FRAS1: variants seen among roughly 807,000 people sequenced by gnomAD.
FRAS1 encodes Fraser extracellular matrix complex subunit 1.
FRAS1 carries 290 observed loss-of-function variants against 435.2 expected under a neutral mutation model. The observed-to-expected ratio is 0.67, with a 90% CI of 0.61 to 0.73. The LOEUF (loss-of-function observed/expected upper bound fraction) is 0.73, where lower values mean the gene tolerates loss of function less well. FRAS1 is among the 30% of genes least tolerant of loss of function. The pLI is 0.00. For synonymous variants in FRAS1, 1,800 were observed against 1,851.0 expected (o/e 0.97, Z 0.71); for missense variants, 4,860 against 5,001.5 (o/e 0.97, Z 0.85).
intron 2 of FRAS1, among the ~76,000 whole-genome samples, chr4:78,132,139 A>G (rs1161190044): frequency 6.6e-6 from 1 of 152,014 alleles, no homozygotes; most frequent in Non-Finnish European, 1.5e-5. Context: ...TTGGTGTTTT[A>G]TTTTTATTTT....
In FRAS1 at chr4:78,318,980, T is replaced by A; in HGVS notation, c.2131T>A (p.Cys711Ser). The change falls in exon 18 of 74, where the codon TGT (cysteine) becomes AGT (serine). Residue 711 changes from cysteine to serine, a missense_variant. By Grantham distance (112) the Cys-to-Ser change is moderately radical. Transcript: ENST00000512123. ...AHFYLESTGI[C>S]EACHQSCFRC... ...TTTTTACTTGGAGAGCACTGGCATA[T>A]GTGAAGGTAAGCATGATTTGAGAAA... is the stretch of plus-strand genomic sequence containing the variant. The A allele has an allele frequency of 1.2e-6, 2 of 1,613,856 alleles. No homozygotes were observed. The highest frequency in any genetic ancestry group is 1.7e-6 in the Non-Finnish European group (2 of 1,179,794).
chr4:78,086,453 CA>C (rs1263534113), intron 2 of FRAS1, among the ~76,000 whole-genome samples: 1 of 151,916 alleles, frequency 6.6e-6, no homozygotes, highest in Non-Finnish European at 1.5e-5. Context: ...GATAGAGACA[CA>C]AAAAACCGTT....
intron 2 of FRAS1, among the ~76,000 whole-genome samples, chr4:78,143,481 G>A (rs1402381924): frequency 6.6e-6 from 1 of 152,108 alleles, no homozygotes; most frequent in Non-Finnish European, 1.5e-5. Flanking sequence ...TGATCTCATT[G>A]ATGTATAGTT....
intron 2 of FRAS1, among the ~76,000 whole-genome samples, chr4:78,168,254 G>A (rs1401022753): frequency 2.6e-5 from 4 of 152,024 alleles, no homozygotes; most frequent in Admixed American, 2.0e-4. Flanking sequence ...GACACATAGC[G>A]TATGGTTCTT....
intron 19 of FRAS1, 60 bp downstream of exon 19, chr4:78,333,472 G>A (rs1366437372): frequency 2.6e-6 from 4 of 1,514,510 alleles, no homozygotes; most frequent in African/African-American, 2.8e-5. Flanking sequence ...TCAGAGCATA[G>A]CCAGACACTG....
chr4:78,229,500 T>A (rs1724423423), intron 2 of FRAS1, among the ~76,000 whole-genome samples: 1 of 151,910 alleles, frequency 6.6e-6, no homozygotes, highest in Non-Finnish European at 1.5e-5. Context: ...AGGGTGGGAG[T>A]ATGCTGTTGC....
rs922754303 is a variant in FRAS1, at chr4:78,180,961, G to A, written c.109-56549G>A. On this transcript the variant is annotated intron_variant, in intron 2 of 73. Transcript: ENST00000512123. Reference sequence around the variant, plus strand: ...CTGCCACGGTTTGGGCGCCCACCACGCCCATGTCCACCTTGTCCTCCCCTG... The same window carrying A: ...CTGCCACGGTTTGGGCGCCCACCACACCCATGTCCACCTTGTCCTCCCCTG... 7.5e-6 allele frequency: 12 copies of A among 1,610,474 alleles called. No homozygotes were observed. In the East Asian group the frequency reaches 1.6e-4, roughly 21 times the overall value.
At chr4:78,451,946 T>C in intron 46 of FRAS1, 55 bp downstream of exon 46, 3 of 1,533,432 alleles carry the variant, frequency 2.0e-6, no homozygotes, top group East Asian at 2.4e-5. Context: ...TCTGAGGTTA[T>C]ATAGTTTACA....
At chr4:78,493,656 G>C (rs2109869176) in intron 59 of FRAS1, among the ~76,000 whole-genome samples, 2 of 152,138 alleles carry the variant, frequency 1.3e-5, no homozygotes, top group Middle Eastern at 3.4e-3. Context: ...GGCCTGTCTG[G>C]GTGGTGGGGG....
intron 2 of FRAS1, among the ~76,000 whole-genome samples, chr4:78,211,106 A>G (rs1041508254): frequency 6.6e-6 from 1 of 152,184 alleles, no homozygotes; most frequent in Non-Finnish European, 1.5e-5. Context: ...TTTGAAAGTA[A>G]TTGCATGACA....
intron 49 of FRAS1, among the ~76,000 whole-genome samples, chr4:78,465,656 G>A (rs1719504691): frequency 6.6e-6 from 1 of 152,236 alleles, no homozygotes; most frequent in Non-Finnish European, 1.5e-5. Context: ...AGAAAAGAAT[G>A]AGACCAGAGA....
At chr4:78,518,121 A>AAAACAAAC (rs71661172) in intron 66 of FRAS1, among the ~76,000 whole-genome samples, 9 of 149,570 alleles carry the variant, frequency 6.0e-5, no homozygotes, top group African/African-American at 2.2e-4. Context: ...CATCTCTTGA[A>AAAACAAAC]AAACAAACAA....
At chr4:78,374,645 A>G (rs1180947762) in intron 25 of FRAS1, among the ~76,000 whole-genome samples, 1 of 152,202 alleles carries the variant, frequency 6.6e-6, no homozygotes. Flanking sequence ...TCCTTAAAGA[A>G]TGGGATTTTT....
intron 2 of FRAS1, among the ~76,000 whole-genome samples, chr4:78,105,552 G>C (rs926957249): frequency 3.3e-5 from 5 of 152,178 alleles, no homozygotes; most frequent in African/African-American, 9.6e-5. Flanking sequence ...TATAAAGACC[G>C]ATACGAATTC....
chr4:78,490,220 C>A (rs1265668727), intron 59 of FRAS1, among the ~76,000 whole-genome samples: 1 of 111,214 alleles, frequency 9.0e-6, no homozygotes, highest in Non-Finnish European at 2.4e-5. Context: ...GACTTTAACA[C>A]CCCACTGTCA....
chr4:78,252,842 C>T (rs765492090), intron 5 of FRAS1, among the ~76,000 whole-genome samples: 6 of 152,094 alleles, frequency 3.9e-5, no homozygotes, highest in Non-Finnish European at 5.9e-5. Context: ...ACAAAGACCA[C>T]ATGCTTCAAA....
Position 78,438,700 on chromosome 4 carries a change from T to A in FRAS1, c.5348T>A (p.Ile1783Asn). 1 of 1,601,096 alleles carries A rather than the reference T, an allele frequency of 6.2e-7. No individual in the cohort carries two copies. Among genetic ancestry groups the A allele is most frequent in the Non-Finnish European group, 8.5e-7 (1 of 1,173,772 alleles). Residue 1783 changes from isoleucine (I) to asparagine (N), a missense_variant, in exon 39 of 74, where the codon ATC (isoleucine) becomes AAC (asparagine). Transcript: ENST00000512123. ...GTTTCCAATTTCACAATGGAAGACATCAATAACAAGAAAATCAGGTACATA... is the reference window on the plus strand; with the variant it reads ...GTTTCCAATTTCACAATGGAAGACAACAATAACAAGAAAATCAGGTACATA... ...SEVSNFTMED[I>N]NNKKIRYSAV... is the part of the protein sequence containing the mutation.
At chr4:78,463,778 A>G (rs925797983) in intron 47 of FRAS1, among the ~76,000 whole-genome samples, 1 of 152,250 alleles carries the variant, frequency 6.6e-6, no homozygotes, top group African/African-American at 2.4e-5. Context: ...CATTGATTGA[A>G]CACCTGCTGT....
At chr4:78,474,924 T>C (rs1719812603) in intron 53 of FRAS1, among the ~76,000 whole-genome samples, 1 of 152,208 alleles carries the variant, frequency 6.6e-6, no homozygotes, top group South Asian at 2.1e-4. Context: ...CATAAAGTTC[T>C]ATTTGTCTAA....
Sources: allele counts gnomAD v4.1 joint callset (sites outside exome capture counted in the v4.1 genomes callset), GRCh38; gene constraint gnomAD v4.1.1; transcripts MANE v1.5; gene names NCBI Gene and HGNC (gene_info 2026-07-23, HGNC 2026-07-21).